The following KNTC1 variants were observed in gnomAD, a reference collection of about 807,000 sequenced individuals.
The protein encoded by KNTC1 is kinetochore associated 1.
In KNTC1, 253 loss-of-function variants were observed where a neutral mutation model predicts 314.4. The ratio of observed to expected loss-of-function variants is 0.80; its 90% CI spans 0.73 to 0.89. The LOEUF (loss-of-function observed/expected upper bound fraction) is 0.89. Among genes scored for constraint, KNTC1 ranks in the 40% least tolerant of loss-of-function variants. The pLI is 0.00. For missense variants in KNTC1, 2,475 were observed against 2,572.9 expected (o/e 0.96, Z 0.82); for synonymous variants, 901 against 901.4 (o/e 1.00, Z 0.01).
chr12:122,544,485 A>AT (rs1186435786), intron 8 of KNTC1, among the ~76,000 whole-genome samples: 1 of 152,182 alleles, frequency 6.6e-6, no homozygotes, highest in Non-Finnish European at 1.5e-5. Context: ...AAAGTACAGC[A>AT]TTTTTTTCAA....
chr12:122,548,250 C>T (rs1187569052), intron 12 of KNTC1, among the ~76,000 whole-genome samples: 1 of 152,078 alleles, frequency 6.6e-6, no homozygotes, highest in Non-Finnish European at 1.5e-5. Context: ...ACCCTGTCCC[C>T]TGGGCTGTAG....
At chr12:122,583,926 C>T (rs1048252601) in intron 34 of KNTC1, among the ~76,000 whole-genome samples, 1 of 152,112 alleles carries the variant, frequency 6.6e-6, no homozygotes, top group African/African-American at 2.4e-5. Context: ...AGTTTGAGAC[C>T]AGCCTGGGCA....
At position 122,615,540 on chromosome 12, in the gene KNTC1, T is replaced by A. The variant is rs777062714; in HGVS notation, c.6030+14T>A. ...TCTTTATGGCAGGTATGTAGTTTTTTAAAATAAATTTTATTGAATTTAGTC... is the reference window on the plus strand; with the variant it reads ...TCTTTATGGCAGGTATGTAGTTTTTAAAAATAAATTTTATTGAATTTAGTC... On this transcript the variant is annotated intron_variant, in intron 57 of 63. Transcript: ENST00000333479. The A allele has an allele frequency of 6.6e-7, 1 of 1,512,292 alleles. No individual in the cohort carries two copies. The highest frequency in any genetic ancestry group is 1.4e-5 in the African/African-American group (1 of 71,426). 93.7% of individuals were successfully genotyped at this position (1,512,292 alleles called of 1,614,324 possible). A position where few individuals can be genotyped will look rare whatever the true frequency, so the allele number is the denominator to read the frequency against.
intron 27 of KNTC1, 56 bp downstream of exon 27, chr12:122,574,436 A>G: frequency 3.7e-6 from 4 of 1,080,822 alleles, no homozygotes; most frequent in African/African-American, 1.6e-5. Flanking sequence ...CTTTTCTGAA[A>G]GCTTTTTTCT....
At chr12:122,604,533 C>CTGTA in intron 48 of KNTC1, 31 bp from the exon 49 acceptor site, 1 of 1,174,770 alleles carries the variant, frequency 8.5e-7, no homozygotes, top group Non-Finnish European at 1.2e-6. Flanking sequence ...GCCTGTAAAT[C>CTGTA]TTTATTTATT....
At chr12:122,594,412 T>G in intron 43 of KNTC1, 27 bp downstream of exon 43, 122 of 1,290,264 alleles carry the variant, frequency 9.5e-5, no homozygotes, top group Non-Finnish European at 1.2e-4. Context: ...TAACGGTATT[T>G]TTGCTGTTAA....
In KNTC1 at chr12:122,617,055, G is replaced by A. The variant is rs534602927; in HGVS notation, c.6031-1288G>A. 8.5e-5 allele frequency among the ~76,000 whole-genome samples: 13 copies of A among 152,106 alleles called. No homozygotes were observed. In the South Asian group the frequency reaches 2.5e-3, roughly 29 times the overall value. ...TGTAGCATGGATCAGAACTTCATTCGTCTTTATTGCCAAATAATGTTCCAT... is the reference window on the plus strand; with the variant it reads ...TGTAGCATGGATCAGAACTTCATTCATCTTTATTGCCAAATAATGTTCCAT... On this transcript the variant is annotated intron_variant, in intron 57 of 63. Coordinates refer to ENST00000333479, the MANE Select transcript of KNTC1 (RefSeq NM_014708.6).
intron 55 of KNTC1, among the ~76,000 whole-genome samples, chr12:122,614,773 C>T (rs891399407): frequency 2.6e-5 from 4 of 151,636 alleles, no homozygotes; most frequent in Admixed American, 6.6e-5. Flanking sequence ...CCCAGCTACT[C>T]GGGAAGCTGA....
At chr12:122,577,874 A>C (rs1965137299) in intron 31 of KNTC1, 83 bp downstream of exon 31, 1 of 1,263,068 alleles carries the variant, frequency 7.9e-7, no homozygotes, top group Non-Finnish European at 1.1e-6. Flanking sequence ...GGACTTACAC[A>C]TATGAAGATC....
chr12:122,624,499 C>G, intron 62 of KNTC1, 99 bp from the exon 63 acceptor site: 3 of 726,106 alleles, frequency 4.1e-6, no homozygotes, highest in Non-Finnish European at 6.8e-6. Context: ...AACTCCTGGA[C>G]CCAAGCCATC....
At chr12:122,567,154 A>C (rs1400894033) in intron 20 of KNTC1, among the ~76,000 whole-genome samples, 1 of 151,662 alleles carries the variant, frequency 6.6e-6, no homozygotes, top group East Asian at 1.9e-4. Context: ...GCTCACTGCA[A>C]CCTCTGCCTC....
In KNTC1 at chr12:122,619,191, G is replaced by C. The variant is rs1020452923; in HGVS notation, c.6149+646G>C. ...TCCCACCTCAGCCTCCTGAGTTGCT[G>C]GGATTACAGGCACGTGCCACCATGC... On this transcript the variant is annotated intron_variant, in intron 59 of 63. Transcript: ENST00000333479. Among the ~76,000 whole-genome samples, 5 of 150,104 alleles carry C rather than the reference G, an allele frequency of 3.3e-5. No homozygotes were observed. In the East Asian group the frequency reaches 9.9e-4, roughly 30 times the overall value.
rs757808952 is a variant in KNTC1 at position 122,547,497 on chromosome 12, C to A, written c.899C>A (p.Thr300Asn). ...PSLHVEEFLL[T>N]TEADSPSSVT... ...CTTCACGTAGAAGAGTTTCTTCTTA[C>A]TACAGAAGCAGACTCTCCTTCATCA... The change falls in exon 11 of 64, where the codon ACT becomes AAT. Residue 300 changes from threonine to asparagine, a missense_variant. Coordinates refer to ENST00000333479, the MANE Select transcript of KNTC1 (RefSeq NM_014708.6). The A allele has an allele frequency of 2.5e-6, 4 of 1,610,950 alleles. No homozygotes were observed. The highest frequency in any genetic ancestry group is 2.2e-5 in the East Asian group (1 of 44,856).
At chr12:122,547,768 A>T in intron 11 of KNTC1, 147 bp from the exon 12 acceptor site, 1 of 609,596 alleles carries the variant, frequency 1.6e-6, no homozygotes, top group South Asian at 2.2e-5. Context: ...TACAGTGTCT[A>T]TTACATTTTA....
At position 122,613,633 on chromosome 12, in the gene KNTC1, T is replaced by G. The variant is rs564272380; in HGVS notation, c.5749T>G (p.Leu1917Val). 2 of 1,605,232 alleles carry G rather than the reference T, an allele frequency of 1.2e-6. No individual in the cohort carries two copies. The highest frequency in any genetic ancestry group is 2.2e-5 in the South Asian group (2 of 88,982). The change falls in exon 55 of 64, where the codon TTG (leucine) becomes GTG (valine). Residue 1917 changes from leucine to valine, a missense_variant. Leu to Val is a conservative substitution (Grantham distance 32). Transcript: ENST00000333479. ...KKPIEEVKSY[L>V]RCITFLASFE... The stretch of plus-strand genomic sequence containing the variant: ...AACGTTTCTGTTTTCCAGATCTTAT[T>G]TGAGATGTATAACTTTTCTGGCATC...
chr12:122,566,544 G>A (rs1964355601), intron 20 of KNTC1, among the ~76,000 whole-genome samples: 1 of 151,350 alleles, frequency 6.6e-6, no homozygotes, highest in African/African-American at 2.4e-5. Flanking sequence ...CGACTAGCTG[G>A]GATTACAGGC....
chr12:122,574,218 A>C, intron 26 of KNTC1, 64 bp from the exon 27 acceptor site: 1 of 877,848 alleles, frequency 1.1e-6, no homozygotes, highest in East Asian at 2.6e-5. Flanking sequence ...ATCTAGCTGT[A>C]TGTGGCATTT....
intron 18 of KNTC1, among the ~76,000 whole-genome samples, chr12:122,559,750 A>G (rs925859805): frequency 5.3e-5 from 8 of 151,832 alleles, no homozygotes; most frequent in Non-Finnish European, 7.4e-5. Context: ...TAATTTTTGT[A>G]TTTTAGTAGA....
At chr12:122,583,233 G>A (rs1868705950) in intron 34 of KNTC1, among the ~76,000 whole-genome samples, 1 of 151,794 alleles carries the variant, frequency 6.6e-6, no homozygotes, top group African/African-American at 2.4e-5. Context: ...GTGGCGGGTT[G>A]CAGTGAGCCG....
Sources: gnomAD v4.1 joint callset for allele counts (sites outside exome capture counted in the v4.1 genomes callset) on GRCh38, gnomAD v4.1.1 for gene constraint, MANE v1.5 for transcripts, NCBI Gene and HGNC (gene_info 2026-07-23, HGNC 2026-07-21) for gene names.